Variants in SERP2 observed in about 807,000 individuals in gnomAD.
The protein encoded by SERP2 is stress associated endoplasmic reticulum protein family member 2.
Under a neutral mutation model 9.1 loss-of-function variants are expected in SERP2, and 6 were observed. That is an observed-to-expected ratio of 0.66 (90% CI 0.36 to 1.30). SERP2 has a LOEUF of 1.30. SERP2 is among the 50% of genes most tolerant of loss of function. SERP2 has a pLI of 0.03. For synonymous variants in SERP2, 37 were observed against 27.3 expected, an observed-to-expected ratio of 1.35 and a Z score of -1.10; for missense variants, 58 against 81.9, an observed-to-expected ratio of 0.71 and a Z score of 1.13.
At chr13:44,394,260 C>T (rs1246091169) in intron 2 of SERP2, among the ~76,000 whole-genome samples, 2 of 152,134 alleles carry the variant, frequency 1.3e-5, no homozygotes, top group East Asian at 3.8e-4. Context: ...GCCTCAGCCT[C>T]CCAAGTAGCT....
chr13:44,388,212 T>C (rs1872429449), intron 2 of SERP2, among the ~76,000 whole-genome samples: 1 of 152,264 alleles, frequency 6.6e-6, no homozygotes, highest in South Asian at 2.1e-4. Flanking sequence ...GCTGTTCTGG[T>C]TGAAGTGAAG....
intron 2 of SERP2, among the ~76,000 whole-genome samples, chr13:44,379,982 T>C (rs1289938833): frequency 1.3e-5 from 2 of 152,224 alleles, no homozygotes; most frequent in African/African-American, 4.8e-5. Flanking sequence ...CAGTAAAGTC[T>C]TTTTGTGCAG....
chr13:44,373,935 CGGG>C lies in SERP2; in HGVS notation c.-88_-86del. ...CCACCTGCAGCGCCCGGGTGGGCCG[CGGG>C]GGCCTCGGCGGGACGCGCTCGGCCC... On this transcript the variant is annotated 5_prime_UTR_variant, in exon 1 of 3. Transcript: ENST00000379179. This position sits in a 1 kb window ranked among gnomAD's most constrained non-coding sequence, Gnocchi z 4.8. 8.0e-7 allele frequency: 1 copy of C among 1,242,984 alleles called. No individual in the cohort carries two copies. The highest frequency in any genetic ancestry group is 1.3e-5 in the South Asian group (1 of 75,376). The allele number at this position is 1,242,984 out of a possible 1,614,324, so 77.0% of individuals were successfully genotyped here.
chr13:44,385,274 G>A (rs538203068), intron 2 of SERP2, among the ~76,000 whole-genome samples: 72 of 152,154 alleles, frequency 4.7e-4, no homozygotes, highest in Admixed American at 7.2e-4. Flanking sequence ...CCTAGTAAGA[G>A]CAAGATAATG....
rs193109997 is a variant in SERP2 at position 44,390,439 on chromosome 13, C to T, written c.158-6833C>T. ...CATCCAGAGGGAGTCACCCCACCCCCAAGACCGGCAACTGAGATGTTTAAA... is the reference window on the plus strand; with the variant it reads ...CATCCAGAGGGAGTCACCCCACCCCTAAGACCGGCAACTGAGATGTTTAAA... On this transcript the variant is annotated intron_variant, in intron 2 of 2. Transcript: ENST00000379179. The T allele has an allele frequency of 6.6e-6, 3 of 456,550 alleles. No homozygotes were observed. The East Asian group carries it at 2.1e-4, about 32-fold the overall frequency. The allele number at this position is 456,550 out of a possible 1,614,324, so 28.3% of individuals were successfully genotyped here.
chr13:44,386,217 TGTGA>T (rs1344218942), intron 2 of SERP2, among the ~76,000 whole-genome samples: 7 of 151,730 alleles, frequency 4.6e-5, no homozygotes, highest in Admixed American at 4.6e-4. Context: ...AAAAAAAAAA[TGTGA>T]GTTTCATTTC....
chr13:44,374,253 G>T lies in SERP2; in HGVS notation c.84+144G>T, dbSNP rs952830069. 5 of 534,620 alleles carry T rather than the reference G, an allele frequency of 9.4e-6. No individual in the cohort carries two copies. In the African/African-American group the frequency reaches 1.0e-4, roughly 11 times the overall value. 33.1% of individuals were successfully genotyped at this position (534,620 alleles called of 1,614,324 possible). ...CCCCTTCTGCGGGGTCCTGCAGAGT[G>T]GGGGCTGAGAGCTGGGTTCAGGGCG... On this transcript the variant is annotated intron_variant, in intron 1 of 2. Transcript: ENST00000379179.
At position 44,382,811 on chromosome 13, in the gene SERP2, A is replaced by G. The variant is rs116508339; in HGVS notation, c.157+3098A>G. ...TGCCTGGCACTGTGCCGGGCTTTGG[A>G]AATACAATCCTGTTTGGGTACTTGC... On this transcript the variant is annotated intron_variant, in intron 2 of 2. Transcript: ENST00000379179. Among the ~76,000 whole-genome samples, 383 of 152,272 alleles carry G rather than the reference A, an allele frequency of 2.5e-3. 2 individuals are homozygous for G. The highest frequency in any genetic ancestry group is 8.0e-3 in the African/African-American group (331 of 41,560).
At position 44,373,824 on chromosome 13, in the gene SERP2, A is replaced by T; in HGVS notation, c.-202A>T. 1.9e-6 allele frequency: 1 copy of T among 523,852 alleles called. No homozygotes were observed. The highest frequency in any genetic ancestry group is 3.3e-6 in the Non-Finnish European group (1 of 299,128). The allele number at this position is 523,852 out of a possible 1,614,324, so 32.5% of individuals were successfully genotyped here. ...AAAGGGTTTCCTGAGATGAGAGATTACTTCCGTCCGGGCTGCGGCCTCTCT... is the reference window on the plus strand; with the variant it reads ...AAAGGGTTTCCTGAGATGAGAGATTTCTTCCGTCCGGGCTGCGGCCTCTCT... On this transcript the variant is annotated 5_prime_UTR_variant, in exon 1 of 3. Coordinates refer to ENST00000379179, the MANE Select transcript of SERP2 (RefSeq NM_001010897.3). The surrounding 1 kb of genome is among the most constrained non-coding windows in gnomAD (Gnocchi z 4.8).
intron 2 of SERP2, among the ~76,000 whole-genome samples, chr13:44,380,150 C>G (rs1871889319): frequency 6.6e-6 from 1 of 152,168 alleles, no homozygotes; most frequent in Admixed American, 6.5e-5. Flanking sequence ...TTGACCCAAG[C>G]CTTAAGGTAT....
At chr13:44,385,911 G>A (rs574846083) in intron 2 of SERP2, among the ~76,000 whole-genome samples, 2 of 152,166 alleles carry the variant, frequency 1.3e-5, no homozygotes, top group African/African-American at 4.8e-5. Context: ...GGGCACCACG[G>A]GACCATCGGT....
chr13:44,375,764 T>C (rs1367339371), intron 1 of SERP2, among the ~76,000 whole-genome samples: 1 of 152,224 alleles, frequency 6.6e-6, no homozygotes, highest in Non-Finnish European at 1.5e-5. Flanking sequence ...CAAGAACTAA[T>C]TTCTAAGGCT....
At chr13:44,393,062 C>T (rs1049470016) in intron 2 of SERP2, among the ~76,000 whole-genome samples, 1 of 151,654 alleles carries the variant, frequency 6.6e-6, no homozygotes, top group South Asian at 2.1e-4. Flanking sequence ...AAGTGCCCAG[C>T]GGGGGTGAGC....
intron 2 of SERP2, chr13:44,391,155 T>C (rs1392320449): frequency 2.0e-5 from 3 of 152,170 alleles, no homozygotes; most frequent in African/African-American, 7.2e-5. Context: ...TGTTATGTCA[T>C]CCCTGTGTCC....
intron 2 of SERP2, among the ~76,000 whole-genome samples, chr13:44,388,256 G>T (rs1035353238): frequency 7.5e-6 from 1 of 132,518 alleles, no homozygotes; most frequent in Non-Finnish European, 1.6e-5. Flanking sequence ...TTGTGTGTGT[G>T]TGTTTGTATA....
intron 2 of SERP2, among the ~76,000 whole-genome samples, chr13:44,384,266 C>CTGCA (rs1872192004): frequency 6.6e-6 from 1 of 152,212 alleles, no homozygotes; most frequent in Non-Finnish European, 1.5e-5. Context: ...AGTCACGATT[C>CTGCA]ATTTCTTCTT....
intron 2 of SERP2, among the ~76,000 whole-genome samples, chr13:44,395,469 TA>T (rs1873036011): frequency 6.6e-6 from 1 of 151,860 alleles, no homozygotes; most frequent in Admixed American, 6.6e-5. Flanking sequence ...CCGGGCATGG[TA>T]GCGGGCACCT....
Position 44,397,351 on chromosome 13 carries a change from G to A in SERP2, c.*39G>A, listed in dbSNP as rs1265714195. ...TTGACACCACCTCCCTCCCACTGGA[G>A]GCGGGAGGACAACGGAAGCGGTCAG... is the stretch of plus-strand genomic sequence containing the variant. On this transcript the variant is annotated 3_prime_UTR_variant, in exon 3 of 3. Transcript: ENST00000379179. 3.2e-5 allele frequency: 49 copies of A among 1,538,104 alleles called. No homozygotes were observed. Among genetic ancestry groups the A allele is most frequent in the Non-Finnish European group, 4.1e-5 (46 of 1,111,372 alleles).
chr13:44,380,548 T>TA (rs959667113), intron 2 of SERP2, among the ~76,000 whole-genome samples: 13 of 150,654 alleles, frequency 8.6e-5, no homozygotes, highest in African/African-American at 2.4e-4. Flanking sequence ...TCATGAAAAT[T>TA]AAAAAAAAAA....
Sources: allele counts gnomAD v4.1 joint callset (sites outside exome capture counted in the v4.1 genomes callset), GRCh38; gene constraint gnomAD v4.1.1; non-coding constraint Gnocchi (gnomAD v3.1); transcripts MANE v1.5; gene names NCBI Gene and HGNC (gene_info 2026-07-23, HGNC 2026-07-21).